Variants in OXCT1 observed in about 807,000 individuals in gnomAD.
OXCT1 encodes the protein 3-oxoacid CoA-transferase 1.
Under a neutral mutation model 69.6 loss-of-function variants are expected in OXCT1, and 27 were observed. The observed-to-expected ratio is 0.39, with a 90% CI of 0.29 to 0.54. The LOEUF is 0.54. OXCT1 is among the 20% of genes least tolerant of loss of function. OXCT1 has a pLI of 0.72. For missense variants in OXCT1, 437 were observed against 650.2 expected (o/e 0.67, Z 3.57); for synonymous variants, 202 against 217.8 (o/e 0.93, Z 0.64).
intron 13 of OXCT1, among the ~76,000 whole-genome samples, chr5:41,782,382 T>G (rs964293002): frequency 1.3e-5 from 2 of 151,932 alleles, no homozygotes; most frequent in African/African-American, 4.8e-5. Context: ...GCCTAGCAAA[T>G]TTTTGTATTT....
intron 13 of OXCT1, among the ~76,000 whole-genome samples, chr5:41,772,954 G>T (rs1214397761): frequency 1.3e-5 from 2 of 152,178 alleles, no homozygotes; most frequent in African/African-American, 4.8e-5. Context: ...CATCCTCCTT[G>T]TGAGAATGAC....
intron 1 of OXCT1, among the ~76,000 whole-genome samples, chr5:41,868,037 A>G (rs2112491520): frequency 6.6e-6 from 1 of 152,332 alleles, no homozygotes; most frequent in South Asian, 2.1e-4. Flanking sequence ...GGCCCCACCC[A>G]GGACCTATTA....
At chr5:41,836,458 A>C (rs1242966869) in intron 7 of OXCT1, among the ~76,000 whole-genome samples, 1 of 152,188 alleles carries the variant, frequency 6.6e-6, no homozygotes, top group Admixed American at 6.5e-5. Context: ...AAACAGACAT[A>C]AGTGATCACC....
At chr5:41,797,619 G>C (rs1031277015) in intron 11 of OXCT1, among the ~76,000 whole-genome samples, 1 of 152,088 alleles carries the variant, frequency 6.6e-6, no homozygotes, top group Non-Finnish European at 1.5e-5. Flanking sequence ...TCAATTTCAT[G>C]GTCACTGAGT....
At chr5:41,838,632 T>A (rs1561118513) in intron 7 of OXCT1, among the ~76,000 whole-genome samples, 1 of 152,038 alleles carries the variant, frequency 6.6e-6, no homozygotes, top group Non-Finnish European at 1.5e-5. Flanking sequence ...TCAATTTTTT[T>A]TTTTTTTTTT....
At chr5:41,833,557 C>T (rs1255605083) in intron 7 of OXCT1, among the ~76,000 whole-genome samples, 2 of 136,848 alleles carry the variant, frequency 1.5e-5, no homozygotes, top group African/African-American at 5.4e-5. Flanking sequence ...AATGAGCAAA[C>T]AAGAAATCAT....
At position 41,842,621 on chromosome 5, in the gene OXCT1, G is replaced by A. The variant is rs1211551918; in HGVS notation, c.671+54C>T. On this transcript the variant is annotated intron_variant, in intron 6 of 16. Coordinates refer to ENST00000196371, the MANE Select transcript of OXCT1 (RefSeq NM_000436.4). ...TTTTAAATTCCAAATTCACTCTGATGTCCATTTTTAGAGTTGCTGATATGC... is the reference window on the plus strand; with the variant it reads ...TTTTAAATTCCAAATTCACTCTGATATCCATTTTTAGAGTTGCTGATATGC... 4 of 1,197,956 alleles carry A rather than the reference G, an allele frequency of 3.3e-6. No homozygotes were observed. The African/African-American group carries it at 6.0e-5, about 18-fold the overall frequency. The allele number at this position is 1,197,956 out of a possible 1,614,324, so 74.2% of individuals were successfully genotyped here.
At chr5:41,854,763 G>T (rs928589800) in intron 3 of OXCT1, among the ~76,000 whole-genome samples, 1 of 151,846 alleles carries the variant, frequency 6.6e-6, no homozygotes, top group Non-Finnish European at 1.5e-5. Context: ...TGAAGGGATG[G>T]CTAAAAAAGA....
chr5:41,823,801 T>G (rs993150524), intron 7 of OXCT1, among the ~76,000 whole-genome samples: 1 of 152,196 alleles, frequency 6.6e-6, no homozygotes, highest in Non-Finnish European at 1.5e-5. Flanking sequence ...ACTATCTACC[T>G]CATTTTCAAT....
intron 4 of OXCT1, among the ~76,000 whole-genome samples, chr5:41,852,409 C>A (rs1415468909): frequency 6.6e-6 from 1 of 152,028 alleles, no homozygotes; most frequent in Non-Finnish European, 1.5e-5. Flanking sequence ...ATGTTATTAC[C>A]AACTTGGCAA....
At chr5:41,755,145 T>G (rs936577903) in intron 14 of OXCT1, among the ~76,000 whole-genome samples, 2 of 152,060 alleles carry the variant, frequency 1.3e-5, no homozygotes, top group African/African-American at 4.8e-5. Flanking sequence ...GTTTTCCTTT[T>G]TATTTTAGAA....
rs1219184367 is a variant in OXCT1 at position 41,870,378 on chromosome 5, A to T, written c.-20T>A. ...CGCCATCTTCGGGCGGTGAGGCAGG[A>T]GGAGGCTGCGGGTTGGAGCGCGCGT... On this transcript the variant is annotated 5_prime_UTR_variant, in exon 1 of 17. Transcript: ENST00000196371. This position sits in a 1 kb window ranked among gnomAD's most constrained non-coding sequence, Gnocchi z 4.2. 3 of 1,604,378 alleles carry T rather than the reference A, an allele frequency of 1.9e-6. No homozygotes were observed. Among genetic ancestry groups the T allele is most frequent in the African/African-American group, 2.7e-5 (2 of 74,806 alleles).
At chr5:41,860,798 A>AAG (rs1749693130) in intron 3 of OXCT1, among the ~76,000 whole-genome samples, 1 of 152,134 alleles carries the variant, frequency 6.6e-6, no homozygotes, top group South Asian at 2.1e-4. Flanking sequence ...CAATCCTATT[A>AAG]TCTTAAGTGC....
At chr5:41,809,914 T>C (rs947535255) in intron 7 of OXCT1, among the ~76,000 whole-genome samples, 1 of 152,012 alleles carries the variant, frequency 6.6e-6, no homozygotes, top group Admixed American at 6.6e-5. Flanking sequence ...CTGTAGAAAA[T>C]GCATGTGCAG....
chr5:41,831,473 T>C (rs982996925), intron 7 of OXCT1, among the ~76,000 whole-genome samples: 1 of 152,218 alleles, frequency 6.6e-6, no homozygotes, highest in Non-Finnish European at 1.5e-5. Flanking sequence ...CAATATCAAA[T>C]ATACTACATA....
At chr5:41,840,607 A>C (rs951897940) in intron 6 of OXCT1, 96 bp from the exon 7 acceptor site, 43 of 726,044 alleles carry the variant, frequency 5.9e-5, no homozygotes, top group Non-Finnish European at 9.7e-5. Flanking sequence ...ATTTCTATGA[A>C]CTAAGAATCT....
At chr5:41,786,711 GGAGATA>G (rs1343118420) in intron 13 of OXCT1, among the ~76,000 whole-genome samples, 1 of 151,576 alleles carries the variant, frequency 6.6e-6, no homozygotes, top group African/African-American at 2.4e-5. Context: ...GAGTACCACA[GGAGATA>G]AAAATAGCTG....
chr5:41,765,179 C>A (rs1744537888), intron 13 of OXCT1, among the ~76,000 whole-genome samples: 1 of 152,164 alleles, frequency 6.6e-6, no homozygotes, highest in Non-Finnish European at 1.5e-5. Flanking sequence ...TGGGTCCCCA[C>A]CACTTGCATC....
rs561974905 is a variant in OXCT1 at position 41,831,054 on chromosome 5, T to C, written c.732+9397A>G. On this transcript the variant is annotated intron_variant, in intron 7 of 16. Coordinates refer to ENST00000196371, the MANE Select transcript of OXCT1 (RefSeq NM_000436.4). Reference sequence around the variant, plus strand: ...ACCAGCTTGATCACTTCTAAGATAATGTATGAGGAATTATTAACACAAAGC... The same window carrying C: ...ACCAGCTTGATCACTTCTAAGATAACGTATGAGGAATTATTAACACAAAGC... Among the ~76,000 whole-genome samples, 14 of 152,304 alleles carry C rather than the reference T, an allele frequency of 9.2e-5. No homozygotes were observed. In the East Asian group the frequency reaches 1.7e-3, roughly 19 times the overall value.
Sources: allele counts gnomAD v4.1 joint callset (sites outside exome capture counted in the v4.1 genomes callset), GRCh38; gene constraint gnomAD v4.1.1; non-coding constraint Gnocchi (gnomAD v3.1); transcripts MANE v1.5; gene names NCBI Gene and HGNC (gene_info 2026-07-23, HGNC 2026-07-21).